Variants in ZNF229 observed in about 807,000 individuals in gnomAD.
ZNF229 encodes zinc finger protein 229.
In ZNF229, 10 loss-of-function variants were observed where a neutral mutation model predicts 11.8. That is an observed-to-expected ratio of 0.85 (90% CI 0.52 to 1.44). The LOEUF (loss-of-function observed/expected upper bound fraction) is 1.44, where lower values mean the gene tolerates loss of function less well. ZNF229 is among the 40% of genes most tolerant of loss of function. ZNF229 has a pLI of 0.00. For missense variants in ZNF229, 1,045 were observed against 1,015.1 expected, an observed-to-expected ratio of 1.03 and a Z score of -0.40; for synonymous variants, 368 against 374.8, an observed-to-expected ratio of 0.98 and a Z score of 0.21.
At position 44,431,489 on chromosome 19, in the gene ZNF229, C is replaced by T. The variant is rs922808802; in HGVS notation, c.238+733G>A. ...ATTCTGGGACAGTCTCTGCCACTGG[C>T]TTGCCTTCTACTGCCTGGCTGTTTC... On this transcript the variant is annotated intron_variant, in intron 5 of 5. Transcript: ENST00000614049. Among the ~76,000 whole-genome samples, 5 of 152,142 alleles carry T rather than the reference C, an allele frequency of 3.3e-5. No individual in the cohort carries two copies. In the East Asian group the frequency reaches 9.6e-4, roughly 29 times the overall value.
At position 44,428,941 on chromosome 19, in the gene ZNF229, C is replaced by G; in HGVS notation, c.1840G>C (p.Asp614His). ...TGGACCCTCTGATGGATAAGGAGGT[C>G]GGAGCTGTAGATGAAACCCTTCCCA... ...VCGKGFIYSS[D>H]LLIHQRVHTG... Residue 614 changes from aspartate (D) to histidine (H), a missense_variant, in exon 6 of 6, where the codon GAC becomes CAC. Coordinates refer to ENST00000614049, the MANE Select transcript of ZNF229 (RefSeq NM_014518.4). 7 of 1,611,608 alleles carry G rather than the reference C, an allele frequency of 4.3e-6. No homozygotes were observed. The highest frequency in any genetic ancestry group is 5.9e-6 in the Non-Finnish European group (7 of 1,179,310).
intron 4 of ZNF229, among the ~76,000 whole-genome samples, chr19:44,439,691 G>A (rs188546731): frequency 1.6e-3 from 239 of 152,232 alleles, no homozygotes; most frequent in African/African-American, 5.0e-3. Context: ...TGATCTGCCC[G>A]CCTTGGCCTC....
In ZNF229 at chr19:44,428,942, G is replaced by A. The variant is rs377411234; in HGVS notation, c.1839C>T (p.Ser613=). ...GGACCCTCTGATGGATAAGGAGGTCGGAGCTGTAGATGAAACCCTTCCCAC... is the reference window on the plus strand; with the variant it reads ...GGACCCTCTGATGGATAAGGAGGTCAGAGCTGTAGATGAAACCCTTCCCAC... ...DVCGKGFIYS[S]DLLIHQRVHT... The change falls in exon 6 of 6, where the codon TCC becomes TCT. Residue 613 remains serine (S), a synonymous_variant. Transcript: ENST00000614049. The A allele has an allele frequency of 2.6e-5, 42 of 1,610,042 alleles. No individual in the cohort carries two copies. The highest frequency in any genetic ancestry group is 1.7e-4 in the Middle Eastern group (1 of 6,022).
intron 2 of ZNF229, among the ~76,000 whole-genome samples, chr19:44,446,977 G>A (rs1972013826): frequency 6.6e-6 from 1 of 152,160 alleles, no homozygotes; most frequent in African/African-American, 2.4e-5. Flanking sequence ...GATGAGACAA[G>A]TCCAGAAGGA....
intron 2 of ZNF229, among the ~76,000 whole-genome samples, chr19:44,443,567 T>C (rs1971953330): frequency 6.6e-6 from 1 of 152,140 alleles, no homozygotes; most frequent in Non-Finnish European, 1.5e-5. Flanking sequence ...TATATGGAAA[T>C]ACAACCTTCA....
chr19:44,436,592 G>A (rs1232992798), intron 4 of ZNF229, among the ~76,000 whole-genome samples: 1 of 151,880 alleles, frequency 6.6e-6, no homozygotes, highest in Non-Finnish European at 1.5e-5. Context: ...ACCAGCCTTG[G>A]CAACATAGGG....
In ZNF229 at chr19:44,428,593, G is replaced by A. The variant is rs369586413; in HGVS notation, c.2188C>T (p.His730Tyr). The A allele has an allele frequency of 6.2e-7, 1 of 1,613,646 alleles. No homozygotes were observed. The highest frequency in any genetic ancestry group is 8.5e-7 in the Non-Finnish European group (1 of 1,180,006). Residue 730 changes from histidine (H) to tyrosine (Y), a missense_variant, in exon 6 of 6, where the codon CAT becomes TAT. Transcript: ENST00000614049. ...TTCTCGCCAGTGTGCACTCTCTTAT[G>A]ACTAAGGAGACCTGAGCCATATCTG... is the stretch of plus-strand genomic sequence containing the variant. ...GFRYGSGLLS[H>Y]KRVHTGEKPY... is the part of the protein sequence containing the mutation.
Position 44,432,273 on chromosome 19 carries a change from T to G in ZNF229, c.187A>C (p.Met63Leu). ...AGTAGGTTCCTGAAATTCTCCTGCATCACATCTTGGTACAGCTGCCTCTGG... is the reference window on the plus strand; with the variant it reads ...AGTAGGTTCCTGAAATTCTCCTGCAGCACATCTTGGTACAGCTGCCTCTGG... ...STQRQLYQDV[M>L]QENFRNLLSV... is the part of the protein sequence containing the mutation. The change falls in exon 5 of 6, where the codon ATG (methionine) becomes CTG (leucine). Residue 63 changes from methionine (M) to leucine (L), a missense_variant. By Grantham distance (15) the Met-to-Leu change is conservative. Coordinates refer to ENST00000614049, the MANE Select transcript of ZNF229 (RefSeq NM_014518.4). 6.2e-7 allele frequency: 1 copy of G among 1,613,902 alleles called. No homozygotes were observed.
At chr19:44,430,596 G>C (rs1398754999) in intron 5 of ZNF229, 54 bp from the exon 6 acceptor site, 1 of 1,498,986 alleles carries the variant, frequency 6.7e-7, no homozygotes, top group Non-Finnish European at 9.0e-7. Context: ...CTGGCTCAGG[G>C]ACATCAGACT....
chr19:44,441,983 T>C (rs1971918736), intron 4 of ZNF229, among the ~76,000 whole-genome samples: 1 of 152,252 alleles, frequency 6.6e-6, no homozygotes, highest in Admixed American at 6.5e-5. Flanking sequence ...TAGAGGCTTA[T>C]AGTCTTTTCA....
chr19:44,436,651 C>T (rs1321369593), intron 4 of ZNF229, among the ~76,000 whole-genome samples: 1 of 151,662 alleles, frequency 6.6e-6, no homozygotes, highest in Non-Finnish European at 1.5e-5. Flanking sequence ...TGATGGCGCA[C>T]CTGTAGTCCC....
chr19:44,436,905 A>G (rs1228910754), intron 4 of ZNF229, among the ~76,000 whole-genome samples: 1 of 152,136 alleles, frequency 6.6e-6, no homozygotes, highest in East Asian at 1.9e-4. Flanking sequence ...ATATGTATAC[A>G]TACATATATG....
chr19:44,432,706 G>GCA (rs1971747214), intron 4 of ZNF229, among the ~76,000 whole-genome samples: 10 of 151,670 alleles, frequency 6.6e-5, no homozygotes, highest in African/African-American at 2.4e-4. Context: ...GGGGGGAGTG[G>GCA]GGAGGGATAG....
chr19:44,442,724 T>A (rs1600031866), intron 3 of ZNF229, 90 bp downstream of exon 3: 1 of 1,604,542 alleles, frequency 6.2e-7, no homozygotes, highest in East Asian at 2.2e-5. Context: ...TGGTTTCTTC[T>A]CACTTGAGGA....
Position 44,429,530 on chromosome 19 carries a change from G to C in ZNF229, c.1251C>G (p.Ser417Arg), listed in dbSNP as rs112154684. 6.8e-4 allele frequency: 1,103 copies of C among 1,611,772 alleles called. 14 individuals carry two copies. The African/African-American group carries it at 0.011, about 16-fold the overall frequency. The change falls in exon 6 of 6, where the codon AGC (serine) becomes AGG (arginine). Residue 417 changes from serine (S) to arginine (R), a missense_variant. By Grantham distance (110) the Ser-to-Arg change is moderately radical. Coordinates refer to ENST00000614049, the MANE Select transcript of ZNF229 (RefSeq NM_014518.4). ...GCCTCTGATGGACTTGAAGCACTGA[G>C]CTGTAACTGAAGCCCTTCCCACACT... The part of the protein sequence containing the change: ...CSECGKGFSY[S>R]SVLQVHQRLH...
rs773348514 is a variant in ZNF229 at position 44,429,552 on chromosome 19, C to T, written c.1229G>A (p.Cys410Tyr). 13 of 1,613,798 alleles carry T rather than the reference C, an allele frequency of 8.1e-6. No homozygotes were observed. In the South Asian group the frequency reaches 9.9e-5, roughly 12 times the overall value. Residue 410 changes from cysteine to tyrosine, a missense_variant, in exon 6 of 6, where the codon TGT becomes TAT. Physicochemically the swap from Cys to Tyr is radical, Grantham distance 194 (BLOSUM62 -2). Coordinates refer to ENST00000614049, the MANE Select transcript of ZNF229 (RefSeq NM_014518.4). Reference sequence around the variant, plus strand: ...TGAGCTGTAACTGAAGCCCTTCCCACACTCGCTGCATTTATATGGTTTCTC... The same window carrying T: ...TGAGCTGTAACTGAAGCCCTTCCCATACTCGCTGCATTTATATGGTTTCTC... Reference protein sequence around the residue: ...TGEKPYKCSECGKGFSYSSVL... With the variant: ...TGEKPYKCSEYGKGFSYSSVL...
rs1441499515 is a variant in ZNF229 at position 44,428,628 on chromosome 19, C to T, written c.2153G>A (p.Gly718Glu). The T allele has an allele frequency of 1.2e-6, 2 of 1,613,916 alleles. No homozygotes were observed. Among genetic ancestry groups the T allele is most frequent in the East Asian group, 2.2e-5 (1 of 44,864 alleles). Reference sequence around the variant, plus strand: ...ACCTGAGCCATATCTGAAACCCTTCCCACATTCACAACAAGTGTAGGGTTT... The same window carrying T: ...ACCTGAGCCATATCTGAAACCCTTCTCACATTCACAACAAGTGTAGGGTTT... ...GEKPYTCCECGKGFRYGSGLL... is the reference protein window; with the variant it reads ...GEKPYTCCECEKGFRYGSGLL... The change falls in exon 6 of 6, where the codon GGG (glycine) becomes GAG (glutamate). Residue 718 changes from glycine (G) to glutamate (E), a missense_variant. By Grantham distance (98) the Gly-to-Glu change is moderately conservative. Coordinates refer to ENST00000614049, the MANE Select transcript of ZNF229 (RefSeq NM_014518.4).
rs769126980 is a variant in ZNF229, at chr19:44,432,297, G to GGGTAGAGT, written c.155_162dup (p.Gln55ThrfsTer11). The stretch of plus-strand genomic sequence containing the variant: ...ATCACATCTTGGTACAGCTGCCTCT[G>GGGTAGAGT]GGTAGAGTCCAGCAGCTCTAGCTCC... On this transcript the variant is annotated frameshift_variant, in exon 5 of 6. Transcript: ENST00000614049. LOFTEE classifies it high-confidence loss of function. 3.1e-6 allele frequency: 5 copies of GGGTAGAGT among 1,613,816 alleles called. No individual in the cohort carries two copies. Among genetic ancestry groups the GGGTAGAGT allele is most frequent in the Non-Finnish European group, 4.2e-6 (5 of 1,179,998 alleles).
rs1048371877 is a variant in ZNF229, at chr19:44,429,007, T to C, written c.1774A>G (p.Arg592Gly). ...TAGGGCCTCTCTCCCGTGTGGACCC[T>C]CTGGTGGCTGTGAAGGTCTGAATTC... ...RRNSDLHSHQ[R>G]VHTGERPYVC... is the part of the protein sequence containing the mutation. The change falls in exon 6 of 6, where the codon AGG (arginine) becomes GGG (glycine). Residue 592 changes from arginine to glycine, a missense_variant. Physicochemically the swap from Arg to Gly is moderately radical, Grantham distance 125 (BLOSUM62 -2). Coordinates refer to ENST00000614049, the MANE Select transcript of ZNF229 (RefSeq NM_014518.4). 2.0e-5 allele frequency: 32 copies of C among 1,613,512 alleles called. No individual in the cohort carries two copies. The highest frequency in any genetic ancestry group is 2.5e-5 in the Non-Finnish European group (30 of 1,179,902).
Sources: gnomAD v4.1 joint callset for allele counts (sites outside exome capture counted in the v4.1 genomes callset) on GRCh38, gnomAD v4.1.1 for gene constraint, MANE v1.5 for transcripts, NCBI Gene and HGNC (gene_info 2026-07-23, HGNC 2026-07-21) for gene names.